The following CPVL variants were observed in gnomAD, a reference collection of about 807,000 sequenced individuals.
CPVL encodes the protein probable serine carboxypeptidase CPVL.
In CPVL, 51 loss-of-function variants were observed where a neutral mutation model predicts 63.7. That is an observed-to-expected ratio of 0.80 (90% confidence interval 0.64 to 1.01). The LOEUF (loss-of-function observed/expected upper bound fraction) is 1.01, where lower values mean the gene tolerates loss of function less well. Among genes scored for constraint, CPVL ranks in the 50% least tolerant of loss-of-function variants. The pLI is 0.00. For synonymous variants in CPVL, 195 were observed against 206.0 expected (o/e 0.95, Z 0.46); for missense variants, 530 against 573.1 (o/e 0.92, Z 0.77).
intron 11 of CPVL, among the ~76,000 whole-genome samples, chr7:29,060,627 GT>G (rs1310731997): frequency 1.1e-4 from 17 of 152,298 alleles, no homozygotes; most frequent in Admixed American, 9.8e-4. Flanking sequence ...AAAGGATTAT[GT>G]TTTCACGTAG....
chr7:29,164,326 TATTTTA>T (rs1795606381), intron 5 of CPVL, among the ~76,000 whole-genome samples: 1 of 152,218 alleles, frequency 6.6e-6, no homozygotes, highest in Non-Finnish European at 1.5e-5. Context: ...TTTTGCACAG[TATTTTA>T]ATTAGGTTGT....
At chr7:29,018,504 G>A (rs1034768299) in intron 12 of CPVL, among the ~76,000 whole-genome samples, 2 of 149,956 alleles carry the variant, frequency 1.3e-5, no homozygotes, top group Non-Finnish European at 2.9e-5. Flanking sequence ...TCTGACTCCC[G>A]AGTAGCTGGG....
chr7:29,154,237 C>G (rs1178669128), intron 5 of CPVL, among the ~76,000 whole-genome samples: 4 of 152,128 alleles, frequency 2.6e-5, no homozygotes, highest in African/African-American at 9.7e-5. Context: ...AGGAGGGGCC[C>G]CAGCCAGCAG....
chr7:29,038,918 G>C (rs1562735715), intron 11 of CPVL, among the ~76,000 whole-genome samples: 1 of 152,140 alleles, frequency 6.6e-6, no homozygotes, highest in Non-Finnish European at 1.5e-5. Context: ...TTGTTTTTTA[G>C]TTTACTCATA....
intron 2 of CPVL, among the ~76,000 whole-genome samples, chr7:29,114,324 C>T (rs1308580777): frequency 6.6e-6 from 1 of 152,096 alleles, no homozygotes; most frequent in Admixed American, 6.5e-5. Flanking sequence ...AAAGCTGAAG[C>T]ACAGAGAGGT....
At chr7:29,071,083 G>T (rs1208339130) in intron 9 of CPVL, among the ~76,000 whole-genome samples, 2 of 151,930 alleles carry the variant, frequency 1.3e-5, no homozygotes, top group Non-Finnish European at 2.9e-5. Context: ...GTTTACACAT[G>T]GCTCTGTCTG....
At chr7:29,182,865 G>A (rs245917) in intron 4 of CPVL, among the ~76,000 whole-genome samples, 43,651 of 152,022 alleles carry the variant, frequency 0.29, 6,425 homozygotes, top group East Asian at 0.35. Flanking sequence ...TTGCCCTTTT[G>A]TGTGGAAAAT....
intron 1 of CPVL, among the ~76,000 whole-genome samples, chr7:29,128,977 G>A (rs1214365013): frequency 6.6e-6 from 1 of 152,124 alleles, no homozygotes; most frequent in Non-Finnish European, 1.5e-5. Context: ...AGCTCCTAGA[G>A]TCTTATCTTC....
intron 12 of CPVL, among the ~76,000 whole-genome samples, chr7:29,027,573 G>GA (rs1224851669): frequency 6.6e-6 from 1 of 151,982 alleles, no homozygotes; most frequent in African/African-American, 2.4e-5. Flanking sequence ...CTTTTATACA[G>GA]AAAAAACTAA....
In CPVL at chr7:29,042,070, A is replaced by G. The variant is rs564504008; in HGVS notation, c.1138-11311T>C. On this transcript the variant is annotated intron_variant, in intron 11 of 12. Coordinates refer to ENST00000265394, the MANE Select transcript of CPVL (RefSeq NM_031311.5). ...TTGGTCCTCTCTGTCAATAGCTGCG[A>G]AGTAACAGAAGTAAGTAACTTCCAA... Among the ~76,000 whole-genome samples, 5 of 147,912 alleles carry G rather than the reference A, an allele frequency of 3.4e-5. No homozygotes were observed. The South Asian group carries it at 1.0e-3, about 31-fold the overall frequency.
chr7:29,123,487 T>C (rs1258158069), intron 1 of CPVL, among the ~76,000 whole-genome samples: 1 of 150,482 alleles, frequency 6.6e-6, no homozygotes, highest in South Asian at 2.1e-4. Flanking sequence ...TCTATGGCAC[T>C]GTGAAAACAT....
chr7:29,114,035 CG>C (rs760818301), intron 2 of CPVL, among the ~76,000 whole-genome samples: 31 of 152,174 alleles, frequency 2.0e-4, no homozygotes, highest in Middle Eastern at 3.2e-3. Flanking sequence ...ATGCCTTTGA[CG>C]GTAGGTGGAG....
intron 11 of CPVL, among the ~76,000 whole-genome samples, chr7:29,045,531 G>A (rs924110694): frequency 3.9e-5 from 6 of 152,028 alleles, no homozygotes; most frequent in African/African-American, 1.2e-4. Flanking sequence ...AGAAGTTTTC[G>A]TGAAATGATA....
chr7:29,087,772 G>A (rs764026331), intron 6 of CPVL, among the ~76,000 whole-genome samples: 6 of 152,150 alleles, frequency 3.9e-5, no homozygotes, highest in Non-Finnish European at 7.4e-5. Flanking sequence ...GCAAAATTGG[G>A]TCATTACAAT....
At chr7:28,998,309 T>C (rs1243640386) in intron 12 of CPVL, among the ~76,000 whole-genome samples, 2 of 152,262 alleles carry the variant, frequency 1.3e-5, no homozygotes, top group African/African-American at 4.8e-5. Context: ...CACCAATAAA[T>C]TGAATACCCA....
intron 5 of CPVL, among the ~76,000 whole-genome samples, chr7:29,167,234 T>G (rs1796032728): frequency 6.6e-6 from 1 of 152,222 alleles, no homozygotes; most frequent in Non-Finnish European, 1.5e-5. Context: ...AATAATATAT[T>G]AATTTTAACT....
chr7:29,009,187 T>TAAAGAA (rs1785528586), intron 12 of CPVL: 1 of 105,220 alleles, frequency 9.5e-6, no homozygotes, highest in Non-Finnish European at 1.8e-5. Flanking sequence ...TTGATGGCAT[T>TAAAGAA]AAAAAAAAAA....
At chr7:29,063,629 G>A (rs909808779) in intron 11 of CPVL, among the ~76,000 whole-genome samples, 3 of 152,142 alleles carry the variant, frequency 2.0e-5, no homozygotes, top group African/African-American at 7.2e-5. Context: ...GGAGTGCAAT[G>A]TTGCGATCTT....
At chr7:28,998,467 G>A (rs1047172382) in intron 12 of CPVL, among the ~76,000 whole-genome samples, 1 of 152,158 alleles carries the variant, frequency 6.6e-6, no homozygotes, top group Non-Finnish European at 1.5e-5. Flanking sequence ...CCTTGGGCAA[G>A]GAACTTAACC....
Sources: gnomAD v4.1 joint callset for allele counts (sites outside exome capture counted in the v4.1 genomes callset) on GRCh38, gnomAD v4.1.1 for gene constraint, MANE v1.5 for transcripts, NCBI Gene and HGNC (gene_info 2026-07-23, HGNC 2026-07-21) for gene names.